CTNND2: variants seen among roughly 807,000 people sequenced by gnomAD.
CTNND2 encodes the protein catenin delta 2, also known as catenin delta-2.
CTNND2 carries 22 observed loss-of-function variants against 144.4 expected under a neutral mutation model. The observed-to-expected ratio is 0.15, with a 90% confidence interval of 0.11 to 0.22. CTNND2 has a LOEUF of 0.22. Among genes scored for constraint, CTNND2 ranks in the 10% least tolerant of loss-of-function variants. CTNND2 has a pLI of 1.00. For missense variants in CTNND2, 1,353 were observed against 1,618.8 expected (o/e 0.84, Z 2.82); for synonymous variants, 751 against 695.6 (o/e 1.08, Z -1.25).
chr5:11,244,024 C>T (rs1455879712), intron 9 of CTNND2, among the ~76,000 whole-genome samples: 1 of 151,968 alleles, frequency 6.6e-6, no homozygotes, highest in Non-Finnish European at 1.5e-5. Context: ...AAAGACTGTA[C>T]CGATTTTGAC....
intron 21 of CTNND2, among the ~76,000 whole-genome samples, chr5:10,974,554 C>G (rs918025818): frequency 6.6e-5 from 10 of 152,182 alleles, no homozygotes; most frequent in African/African-American, 2.4e-4. Context: ...GGTCCCTTTT[C>G]AAGCACCTGC....
intron 11 of CTNND2, among the ~76,000 whole-genome samples, chr5:11,191,006 T>G (rs1020923039): frequency 6.6e-6 from 1 of 152,154 alleles, no homozygotes; most frequent in African/African-American, 2.4e-5. Flanking sequence ...TGAGCCTTCC[T>G]GAGATCTGCA....
At chr5:11,075,960 A>T (rs2149621627) in intron 16 of CTNND2, among the ~76,000 whole-genome samples, 1 of 152,346 alleles carries the variant, frequency 6.6e-6, no homozygotes, top group South Asian at 2.1e-4. Context: ...TTGAATAAAT[A>T]CGCTGTGTTA....
intron 7 of CTNND2, among the ~76,000 whole-genome samples, chr5:11,381,951 A>T (rs932092642): frequency 6.6e-6 from 1 of 152,006 alleles, no homozygotes; most frequent in Non-Finnish European, 1.5e-5. Context: ...TGGGTGACAG[A>T]GAGAGACTCT....
At chr5:11,851,410 G>A (rs1795008140) in intron 1 of CTNND2, among the ~76,000 whole-genome samples, 1 of 152,156 alleles carries the variant, frequency 6.6e-6, no homozygotes, top group African/African-American at 2.4e-5. Context: ...TACTCTGCAT[G>A]ATTGAAAGAA....
chr5:11,182,645 C>A (rs2149802798), intron 11 of CTNND2, among the ~76,000 whole-genome samples: 1 of 152,244 alleles, frequency 6.6e-6, no homozygotes, highest in Non-Finnish European at 1.5e-5. Flanking sequence ...TTGGGTAATA[C>A]TATCTTTGTA....
intron 2 of CTNND2, among the ~76,000 whole-genome samples, chr5:11,717,108 T>C (rs1404642199): frequency 6.6e-6 from 1 of 151,680 alleles, no homozygotes; most frequent in Non-Finnish European, 1.5e-5. Context: ...CCTCAGGTGA[T>C]CCACCCACCT....
chr5:11,495,914 C>CGAAA lies in CTNND2; in HGVS notation c.287+69026_287+69029dup, dbSNP rs942798987. Among the ~76,000 whole-genome samples, 9 of 152,110 alleles carry CGAAA rather than the reference C, an allele frequency of 5.9e-5. 1 individual carries two copies. The highest frequency in any genetic ancestry group is 1.0e-4 in the Non-Finnish European group (7 of 68,012). On this transcript the variant is annotated intron_variant, in intron 3 of 21. Transcript: ENST00000304623. Reference sequence around the variant, plus strand: ...TTCACAACCCCTCAACCCAGTGGCCCGAAAGATGCTTCTCCCACAAGAGGA... The same window carrying CGAAA: ...TTCACAACCCCTCAACCCAGTGGCCCGAAAGAAAGATGCTTCTCCCACAAGAGGA...
chr5:11,869,400 G>T (rs893205555), intron 1 of CTNND2, among the ~76,000 whole-genome samples: 16 of 152,152 alleles, frequency 1.1e-4, no homozygotes, highest in African/African-American at 3.9e-4. Context: ...ACATAAGAAG[G>T]TGCCAACTTC....
chr5:10,983,803 A>G (rs1030672850), intron 20 of CTNND2, among the ~76,000 whole-genome samples: 1 of 152,042 alleles, frequency 6.6e-6, no homozygotes, highest in African/African-American at 2.4e-5. Context: ...TAATGCTCCA[A>G]TGCCCTTCAC....
In CTNND2 at chr5:11,376,745, G is replaced by A. The variant is rs957478561; in HGVS notation, c.1177+7920C>T. ...CAGAGTAAGCACTGGCTACAGGGTCGCCATTTTGGTAGGAGAGATGTTTGT... is the reference window on the plus strand; with the variant it reads ...CAGAGTAAGCACTGGCTACAGGGTCACCATTTTGGTAGGAGAGATGTTTGT... On this transcript the variant is annotated intron_variant, in intron 7 of 21. Coordinates refer to ENST00000304623, the MANE Select transcript of CTNND2 (RefSeq NM_001332.4). 5.9e-5 allele frequency among the ~76,000 whole-genome samples: 9 copies of A among 152,238 alleles called. No individual in the cohort carries two copies. The East Asian group carries it at 1.4e-3, about 23-fold the overall frequency.
At chr5:11,586,372 T>C (rs1034456102) in intron 2 of CTNND2, among the ~76,000 whole-genome samples, 4 of 152,220 alleles carry the variant, frequency 2.6e-5, no homozygotes. Context: ...CATTTTTATA[T>C]GTGGCAATTC....
intron 2 of CTNND2, among the ~76,000 whole-genome samples, chr5:11,645,324 T>A (rs1415129817): frequency 1.3e-5 from 2 of 151,304 alleles, no homozygotes; most frequent in Non-Finnish European, 2.9e-5. Context: ...CCCCCACATT[T>A]ATTATATTAT....
chr5:11,552,175 A>G lies in CTNND2; in HGVS notation c.287+12769T>C, dbSNP rs181502665. On this transcript the variant is annotated intron_variant, in intron 3 of 21. Transcript: ENST00000304623. ...GACATTAAACCCTTGGGAATACTAC[A>G]TAAGCATATTTTCTTTTAATGGAAC... Among the ~76,000 whole-genome samples the G allele has an allele frequency of 3.8e-3, 578 of 152,310 alleles. 1 individual carries two copies. Among genetic ancestry groups the G allele is most frequent in the Non-Finnish European group, 6.9e-3 (470 of 68,014 alleles).
At chr5:11,059,665 C>T (rs544241431) in intron 16 of CTNND2, among the ~76,000 whole-genome samples, 1 of 152,210 alleles carries the variant, frequency 6.6e-6, no homozygotes, top group East Asian at 1.9e-4. Flanking sequence ...CATGATTTCC[C>T]ATTTCATGTC....
chr5:11,375,408 A>G (rs1407442130), intron 7 of CTNND2, among the ~76,000 whole-genome samples: 1 of 152,190 alleles, frequency 6.6e-6, no homozygotes, highest in Non-Finnish European at 1.5e-5. Flanking sequence ...TTATTATTTT[A>G]TTCAACATAA....
chr5:11,669,119 T>G (rs979517668), intron 2 of CTNND2, among the ~76,000 whole-genome samples: 1 of 152,202 alleles, frequency 6.6e-6, no homozygotes, highest in African/African-American at 2.4e-5. Context: ...GAAGCCGACT[T>G]GATCGTGGTG....
chr5:11,268,001 C>A (rs546236510), intron 9 of CTNND2, among the ~76,000 whole-genome samples: 1 of 152,102 alleles, frequency 6.6e-6, no homozygotes, highest in Admixed American at 6.5e-5. Context: ...ATGATTGTTG[C>A]GAAGTCCCAA....
intron 3 of CTNND2, among the ~76,000 whole-genome samples, chr5:11,525,425 T>G (rs1773151386): frequency 6.6e-6 from 1 of 152,212 alleles, no homozygotes; most frequent in Admixed American, 6.5e-5. Flanking sequence ...TAATCATATT[T>G]CATGTCCTCA....
Sources: gnomAD v4.1 joint callset for allele counts (sites outside exome capture counted in the v4.1 genomes callset) on GRCh38, gnomAD v4.1.1 for gene constraint, MANE v1.5 for transcripts, NCBI Gene and HGNC (gene_info 2026-07-23, HGNC 2026-07-21) for gene names.